The following CACNA2D3 variants were observed in gnomAD, a reference collection of about 807,000 sequenced individuals.
The protein encoded by CACNA2D3 is voltage-dependent calcium channel subunit alpha-2/delta-3.
In CACNA2D3, 60 loss-of-function variants were observed where a neutral mutation model predicts 160.6. The observed-to-expected ratio is 0.37, with a 90% CI of 0.30 to 0.46. The LOEUF is 0.46. Among genes scored for constraint, CACNA2D3 ranks in the 20% least tolerant of loss-of-function variants. The pLI is 1.00. For synonymous variants in CACNA2D3, 558 were observed against 492.9 expected, an observed-to-expected ratio of 1.13 and a Z score of -1.75; for missense variants, 1,205 against 1,365.0, an observed-to-expected ratio of 0.88 and a Z score of 1.85.
At chr3:54,581,924 T>G in intron 9 of CACNA2D3, 47 bp downstream of exon 9, 1 of 1,474,878 alleles carries the variant, frequency 6.8e-7, no homozygotes, top group Non-Finnish European at 9.4e-7. Context: ...CACCCCTGTC[T>G]CCCTCATAGT....
chr3:54,852,972 TGCAATTCCGCAACTG>T (rs144868910), intron 17 of CACNA2D3, among the ~76,000 whole-genome samples: 5,762 of 152,284 alleles, frequency 0.038, 189 homozygotes, highest in African/African-American at 0.086. Flanking sequence ...TTCTTAACTA[TGCAATTCCGCAACTG>T]AGGAAATAGC....
chr3:54,664,647 T>A (rs1700031266), intron 11 of CACNA2D3, among the ~76,000 whole-genome samples: 1 of 152,256 alleles, frequency 6.6e-6, no homozygotes, highest in Admixed American at 6.5e-5. Flanking sequence ...TATTTTTCCC[T>A]TTCTTTTCAC....
intron 6 of CACNA2D3, among the ~76,000 whole-genome samples, chr3:54,563,723 C>T (rs1236887730): frequency 1.3e-5 from 2 of 152,188 alleles, no homozygotes; most frequent in Admixed American, 6.5e-5. Flanking sequence ...GGGAGAAAAA[C>T]CCCACCCTGC....
intron 27 of CACNA2D3, among the ~76,000 whole-genome samples, chr3:54,934,417 G>T (rs901814686): frequency 6.6e-6 from 1 of 151,884 alleles, no homozygotes; most frequent in Admixed American, 6.5e-5. Flanking sequence ...TTTTTTTCTT[G>T]CCCTTTTGAT....
intron 35 of CACNA2D3, among the ~76,000 whole-genome samples, chr3:55,034,972 T>A (rs1205552498): frequency 6.6e-6 from 1 of 151,312 alleles, no homozygotes; most frequent in Non-Finnish European, 1.5e-5. Flanking sequence ...ATAAATGCCA[T>A]TTTTTTTTAT....
At position 54,671,365 on chromosome 3, in the gene CACNA2D3, G is replaced by C. The variant is rs191028831; in HGVS notation, c.1167+29124G>C. On this transcript the variant is annotated intron_variant, in intron 11 of 37. Coordinates refer to ENST00000474759, the MANE Select transcript of CACNA2D3 (RefSeq NM_018398.3). ...CCTGGGCTGCTTGGTTGTGCTCACA[G>C]AGAGGCTCTTGGGAGCCTGTGAGAG... is the stretch of plus-strand genomic sequence containing the variant. 6.6e-3 allele frequency among the ~76,000 whole-genome samples: 1,000 copies of C among 152,182 alleles called. 4 individuals are homozygous for C. The highest frequency in any genetic ancestry group is 9.5e-3 in the Non-Finnish European group (645 of 68,006).
chr3:54,532,842 A>G (rs557116064), intron 5 of CACNA2D3, among the ~76,000 whole-genome samples: 52 of 152,250 alleles, frequency 3.4e-4, no homozygotes, highest in African/African-American at 1.2e-3. Context: ...GGATCAAATG[A>G]TAACTCTATT....
At chr3:54,526,368 T>G (rs1334389877) in intron 5 of CACNA2D3, among the ~76,000 whole-genome samples, 1 of 152,214 alleles carries the variant, frequency 6.6e-6, no homozygotes, top group Non-Finnish European at 1.5e-5. Flanking sequence ...TTTTTTTCTT[T>G]GTGTATGTGT....
At chr3:54,984,063 G>A (rs1372313754) in intron 29 of CACNA2D3, among the ~76,000 whole-genome samples, 1 of 152,172 alleles carries the variant, frequency 6.6e-6, no homozygotes, top group Non-Finnish European at 1.5e-5. Context: ...GGAGGCCTGA[G>A]GGGCCCCTTT....
At position 54,881,304 on chromosome 3, in the gene CACNA2D3, C is replaced by G. The variant is rs558769612; in HGVS notation, c.1912+441C>G. On this transcript the variant is annotated intron_variant, in intron 21 of 37. Transcript: ENST00000474759. ...AACAGAGATATGAGAGCCTTAGTCT[C>G]TCCTACACAGTTGAGCCACGTATTT... Among the ~76,000 whole-genome samples the G allele has an allele frequency of 2.0e-5, 3 of 152,270 alleles. No homozygotes were observed. The South Asian group carries it at 6.2e-4, about 32-fold the overall frequency.
In CACNA2D3 at chr3:54,466,821, CAGTT is replaced by C. The variant is rs551717323; in HGVS notation, c.382-36670_382-36667del. ...GTGGGTGTCCTTCAAAACTTTGGGA[CAGTT>C]GGTTGGGATTTTGTAGGCAATCCAG... is the stretch of plus-strand genomic sequence containing the variant. On this transcript the variant is annotated intron_variant, in intron 4 of 37. Coordinates refer to ENST00000474759, the MANE Select transcript of CACNA2D3 (RefSeq NM_018398.3). 5.1e-3 allele frequency among the ~76,000 whole-genome samples: 774 copies of C among 152,182 alleles called. 4 individuals carry two copies. The highest frequency in any genetic ancestry group is 7.5e-3 in the Non-Finnish European group (508 of 68,004).
chr3:54,325,394 T>C (rs1375985768), intron 3 of CACNA2D3, among the ~76,000 whole-genome samples: 1 of 152,232 alleles, frequency 6.6e-6, no homozygotes, highest in Non-Finnish European at 1.5e-5. Flanking sequence ...GATTTTATGC[T>C]AATATTCTCT....
intron 17 of CACNA2D3, among the ~76,000 whole-genome samples, chr3:54,860,323 A>C (rs1699264774): frequency 6.6e-6 from 1 of 152,172 alleles, no homozygotes; most frequent in African/African-American, 2.4e-5. Context: ...ACCAGTTAAA[A>C]TATTCTGATT....
intron 13 of CACNA2D3, among the ~76,000 whole-genome samples, chr3:54,776,431 C>T (rs1195038794): frequency 6.6e-6 from 1 of 152,112 alleles, no homozygotes; most frequent in Non-Finnish European, 1.5e-5. Context: ...GGGAGGATCA[C>T]TTGAGCCCTG....
chr3:54,700,549 T>A (rs1439705090), intron 11 of CACNA2D3, among the ~76,000 whole-genome samples: 2 of 152,208 alleles, frequency 1.3e-5, no homozygotes, highest in Non-Finnish European at 2.9e-5. Flanking sequence ...TGTTGGACAT[T>A]GTTTCTCCAG....
intron 2 of CACNA2D3, among the ~76,000 whole-genome samples, chr3:54,195,094 A>G (rs1369680149): frequency 1.3e-5 from 2 of 152,180 alleles, no homozygotes; most frequent in Non-Finnish European, 1.5e-5. Context: ...CTCGGAGGGC[A>G]TCCAAATTAT....
intron 27 of CACNA2D3, among the ~76,000 whole-genome samples, chr3:54,906,262 G>A (rs1700446260): frequency 6.6e-6 from 1 of 152,044 alleles, no homozygotes; most frequent in African/African-American, 2.4e-5. Context: ...AGGAAGGAAG[G>A]ATTGATTTCT....
At chr3:54,430,821 T>C (rs1277204969) in intron 4 of CACNA2D3, among the ~76,000 whole-genome samples, 1 of 152,216 alleles carries the variant, frequency 6.6e-6, no homozygotes, top group African/African-American at 2.4e-5. Flanking sequence ...TGATAACAGT[T>C]GACCCTTAAA....
chr3:54,708,720 C>T (rs1436548709), intron 11 of CACNA2D3, among the ~76,000 whole-genome samples: 7 of 152,160 alleles, frequency 4.6e-5, no homozygotes, highest in African/African-American at 7.2e-5. Context: ...AAATCCTAGG[C>T]GGCTCCAGAA....
Sources: gnomAD v4.1 joint callset for allele counts (sites outside exome capture counted in the v4.1 genomes callset) on GRCh38, gnomAD v4.1.1 for gene constraint, MANE v1.5 for transcripts, NCBI Gene and HGNC (gene_info 2026-07-23, HGNC 2026-07-21) for gene names.